Variants in HRK observed in about 807,000 individuals in gnomAD.
HRK encodes harakiri, BCL2 interacting protein.
Under a neutral mutation model 5.9 loss-of-function variants are expected in HRK, and 6 were observed. That is an observed-to-expected ratio of 1.02 (90% CI 0.56 to 2.01). The LOEUF (loss-of-function observed/expected upper bound fraction) is 2.01, where lower values mean the gene tolerates loss of function less well. Ranked by LOEUF, HRK falls within the 30% of genes most tolerant of loss-of-function variation. The pLI is 0.00. For synonymous variants in HRK, 85 were observed against 65.1 expected, an observed-to-expected ratio of 1.31 and a Z score of -1.47; for missense variants, 133 against 128.3, an observed-to-expected ratio of 1.04 and a Z score of -0.18.
chr12:116,881,168 C>G lies in HRK; in HGVS notation c.140G>C (p.Arg47Pro). 2 of 1,172,048 alleles carry G rather than the reference C, an allele frequency of 1.7e-6. No individual in the cohort carries two copies. The highest frequency in any genetic ancestry group is 2.1e-6 in the Non-Finnish European group (2 of 951,776). 72.6% of individuals were successfully genotyped at this position (1,172,048 alleles called of 1,614,324 possible). Residue 47 changes from arginine to proline, a missense_variant, in exon 1 of 2, where the codon CGC (arginine) becomes CCC (proline). Arg to Pro is a moderately radical substitution (Grantham distance 103). Transcript: ENST00000257572. Reference protein sequence around the residue: ...LKALGDELHQRTMWRRRARSR... With the variant: ...LKALGDELHQPTMWRRRARSR... ...CCGCGCGCGGCGCCGCCACATGGTGCGCTGGTGCAGCTCGTCGCCTAGCGC... is the reference window on the plus strand; with the variant it reads ...CCGCGCGCGGCGCCGCCACATGGTGGGCTGGTGCAGCTCGTCGCCTAGCGC...
rs749089436 is a variant in HRK, at chr12:116,880,993, T to G, written c.*39A>C. ...TCGCGTACCTGTTGCTCGCTCCGGC[T>G]GGGTCTCGGCTCCGGCCCCACCAAG... On this transcript the variant is annotated 3_prime_UTR_variant, in exon 1 of 2. Coordinates refer to ENST00000257572, the MANE Select transcript of HRK (RefSeq NM_003806.4). 1.2e-5 allele frequency: 15 copies of G among 1,255,352 alleles called. No individual in the cohort carries two copies. Among genetic ancestry groups the G allele is most frequent in the East Asian group, 3.2e-5 (1 of 30,806 alleles). 77.8% of individuals were successfully genotyped at this position (1,255,352 alleles called of 1,614,324 possible). A position where few individuals can be genotyped will look rare whatever the true frequency, so the allele number is the denominator to read the frequency against.
intron 1 of HRK, among the ~76,000 whole-genome samples, chr12:116,877,035 A>G (rs1418334793): frequency 1.3e-5 from 2 of 152,154 alleles, no homozygotes; most frequent in Non-Finnish European, 2.9e-5. Context: ...TGTTGAGTGA[A>G]GTTAAGAGAC....
chr12:116,871,686 G>T (rs1317130163), intron 1 of HRK, among the ~76,000 whole-genome samples: 1 of 150,962 alleles, frequency 6.6e-6, no homozygotes, highest in African/African-American at 2.4e-5. Context: ...GAGTACAGTG[G>T]CGTGATCACA....
At position 116,857,237 on chromosome 12, in the gene HRK, A is replaced by C. The variant is rs1473575156; in HGVS notation, c.*4286T>G. On this transcript the variant is annotated 3_prime_UTR_variant, in exon 2 of 2. Transcript: ENST00000257572. Reference sequence around the variant, plus strand: ...CAAGTCAAGTCTCTTCTGAGATGGAATTCTACAACTGGCACATTGTAGATG... The same window carrying C: ...CAAGTCAAGTCTCTTCTGAGATGGACTTCTACAACTGGCACATTGTAGATG... 1 of 152,254 alleles carries C rather than the reference A, an allele frequency of 6.6e-6. No homozygotes were observed. The highest frequency in any genetic ancestry group is 2.4e-5 in the African/African-American group (1 of 41,460). 9.4% of individuals were successfully genotyped at this position (152,254 alleles called of 1,614,324 possible). A position where few individuals can be genotyped will look rare whatever the true frequency, so the allele number is the denominator to read the frequency against.
rs925581333 is a variant in HRK, at chr12:116,860,456, T to C, written c.*1067A>G. 1 of 152,084 alleles carries C rather than the reference T, an allele frequency of 6.6e-6. No homozygotes were observed. Among genetic ancestry groups the C allele is most frequent in the African/African-American group, 2.4e-5 (1 of 41,410 alleles). The allele number at this position is 152,084 out of a possible 1,614,324, so 9.4% of individuals were successfully genotyped here. A position where few individuals can be genotyped will look rare whatever the true frequency, so the allele number is the denominator to read the frequency against. On this transcript the variant is annotated 3_prime_UTR_variant, in exon 2 of 2. Coordinates refer to ENST00000257572, the MANE Select transcript of HRK (RefSeq NM_003806.4). ...AGCCATTTCTTGGCTCTTTAATCCA[T>C]AAAACCTAAACCCTGAAATCCCCTT...
chr12:116,866,880 G>T (rs937501792), intron 1 of HRK, among the ~76,000 whole-genome samples: 2 of 152,184 alleles, frequency 1.3e-5, no homozygotes, highest in South Asian at 4.1e-4. Context: ...GCAAACTGTG[G>T]CCTGTAAGAT....
At chr12:116,877,577 A>C (rs1878983256) in intron 1 of HRK, among the ~76,000 whole-genome samples, 1 of 152,202 alleles carries the variant, frequency 6.6e-6, no homozygotes, top group Non-Finnish European at 1.5e-5. Flanking sequence ...TGGAATGGCC[A>C]GCAATAATAA....
rs908791953 is a variant in HRK at position 116,857,343 on chromosome 12, A to G, written c.*4180T>C. 2 of 152,252 alleles carry G rather than the reference A, an allele frequency of 1.3e-5. No homozygotes were observed. Among genetic ancestry groups the G allele is most frequent in the Non-Finnish European group, 2.9e-5 (2 of 68,034 alleles). 9.4% of individuals were successfully genotyped at this position (152,252 alleles called of 1,614,324 possible). A position where few individuals can be genotyped will look rare whatever the true frequency, so the allele number is the denominator to read the frequency against. ...TTAAGCTTTAAAATGACACTTTGAC[A>G]TCAATTTCCTCCCCTCATGGAACTT... On this transcript the variant is annotated 3_prime_UTR_variant, in exon 2 of 2. Transcript: ENST00000257572.
chr12:116,881,231 C>T lies in HRK; in HGVS notation c.77G>A (p.Arg26His). The part of the protein sequence containing the change: ...CACSAGRLGL[R>H]SSAAQLTAAR... ...GGCGGTGAGCTGCGCGGCGGACGAG[C>T]GCAGCCCCAGGCGACCCGCGCTGCA... Residue 26 changes from arginine (R) to histidine (H), a missense_variant, in exon 1 of 2, where the codon CGC (arginine) becomes CAC (histidine). Coordinates refer to ENST00000257572, the MANE Select transcript of HRK (RefSeq NM_003806.4). 9.0e-7 allele frequency: 1 copy of T among 1,108,676 alleles called. No homozygotes were observed. The highest frequency in any genetic ancestry group is 1.1e-6 in the Non-Finnish European group (1 of 911,098). The allele number at this position is 1,108,676 out of a possible 1,614,324, so 68.7% of individuals were successfully genotyped here. A position where few individuals can be genotyped will look rare whatever the true frequency, so the allele number is the denominator to read the frequency against.
intron 1 of HRK, among the ~76,000 whole-genome samples, chr12:116,866,175 A>AAAG (rs1878541137): frequency 6.6e-6 from 1 of 150,382 alleles, no homozygotes; most frequent in Non-Finnish European, 1.5e-5. Flanking sequence ...AAAAAAAAAA[A>AAAG]GCAGTTTCTC....
chr12:116,873,014 T>G (rs1452358768), intron 1 of HRK, among the ~76,000 whole-genome samples: 2 of 152,220 alleles, frequency 1.3e-5, no homozygotes, highest in Non-Finnish European at 2.9e-5. Flanking sequence ...AGGCTTAGAA[T>G]CTGTCTGGTC....
At chr12:116,876,692 A>G (rs1178638315) in intron 1 of HRK, 1 of 128,856 alleles carries the variant, frequency 7.8e-6, no homozygotes, top group African/African-American at 2.9e-5. Context: ...AGCACTCACC[A>G]TAAAGCGTCT....
intron 1 of HRK, among the ~76,000 whole-genome samples, chr12:116,870,129 C>G (rs1035229551): frequency 2.6e-5 from 4 of 152,064 alleles, no homozygotes; most frequent in Non-Finnish European, 5.9e-5. Flanking sequence ...CTTCTTGAAT[C>G]CATTCCAGTA....
chr12:116,876,278 C>T (rs950973142), intron 1 of HRK, among the ~76,000 whole-genome samples: 1 of 152,162 alleles, frequency 6.6e-6, no homozygotes, highest in Non-Finnish European at 1.5e-5. Context: ...CTGTCCTCCT[C>T]GGGCTCCCTC....
chr12:116,867,027 C>T (rs888394738), intron 1 of HRK, among the ~76,000 whole-genome samples: 1 of 151,966 alleles, frequency 6.6e-6, no homozygotes, highest in Non-Finnish European at 1.5e-5. Context: ...CAGTGGCTCA[C>T]ACCTGTAATC....
rs1242418190 is a variant in HRK at position 116,863,743 on chromosome 12, G to A, written c.*57-2277C>T. 4.0e-5 allele frequency among the ~76,000 whole-genome samples: 6 copies of A among 151,306 alleles called. No individual in the cohort carries two copies. The South Asian group carries it at 1.3e-3, about 32-fold the overall frequency. ...AAACTGGGTCTCGCTCTGCCACCCA[G>A]GCAGGAGTGCAGTGGCGCCATCATA... On this transcript the variant is annotated intron_variant, in intron 1 of 1. Coordinates refer to ENST00000257572, the MANE Select transcript of HRK (RefSeq NM_003806.4).
At chr12:116,870,095 C>T (rs2137249184) in intron 1 of HRK, among the ~76,000 whole-genome samples, 1 of 152,086 alleles carries the variant, frequency 6.6e-6, no homozygotes, top group East Asian at 1.9e-4. Context: ...CACACACACA[C>T]ACACAAAACA....
At chr12:116,871,205 C>T (rs1439306850) in intron 1 of HRK, among the ~76,000 whole-genome samples, 1 of 151,692 alleles carries the variant, frequency 6.6e-6, no homozygotes, top group Non-Finnish European at 1.5e-5. Context: ...GCTCTACCCA[C>T]CTTGGCCCCC....
rs1210773762 is a variant in HRK, at chr12:116,879,976, G to T, written c.*56+1000C>A. Among the ~76,000 whole-genome samples, 1 of 152,154 alleles carries T rather than the reference G, an allele frequency of 6.6e-6. No individual in the cohort carries two copies. The highest frequency in any genetic ancestry group is 1.5e-5 in the Non-Finnish European group (1 of 68,036). ...TCTGCAGCGCTCCTCGCTACTCCAG[G>T]ATCCAGAGTAGTAAGACGATGCTTA... On this transcript the variant is annotated intron_variant, in intron 1 of 1. Transcript: ENST00000257572. The surrounding 1 kb of genome is among the most constrained non-coding windows in gnomAD (Gnocchi z 5.6).
Sources: gnomAD v4.1 joint callset for allele counts (sites outside exome capture counted in the v4.1 genomes callset) on GRCh38, gnomAD v4.1.1 for gene constraint, Gnocchi (gnomAD v3.1) non-coding constraint, MANE v1.5 for transcripts, NCBI Gene and HGNC (gene_info 2026-07-23, HGNC 2026-07-21) for gene names.